Variants in ELMOD3 observed in about 807,000 individuals in gnomAD.
ELMOD3 encodes the protein ELMO domain containing 3.
A neutral mutation model predicts 47.4 loss-of-function variants in ELMOD3; 36 were observed. The ratio of observed to expected loss-of-function variants is 0.76; its 90% confidence interval spans 0.58 to 1.00. ELMOD3 has a LOEUF of 1.00. Ranked by LOEUF, ELMOD3 falls within the 50% of genes least tolerant of loss-of-function variation. ELMOD3 has a pLI of 0.00. For synonymous variants in ELMOD3, 149 were observed against 183.5 expected, an observed-to-expected ratio of 0.81 and a Z score of 1.52; for missense variants, 404 against 463.8, an observed-to-expected ratio of 0.87 and a Z score of 1.18.
At chr2:85,359,522 C>T (rs1224478120) in intron 4 of ELMOD3, among the ~76,000 whole-genome samples, 35 of 151,680 alleles carry the variant, frequency 2.3e-4, no homozygotes, top group Non-Finnish European at 2.9e-5. Context: ...ATTCTCCTGC[C>T]TCAGCCTTTC....
At position 85,361,457 on chromosome 2, in the gene ELMOD3, G is replaced by A. The variant is rs1683949017; in HGVS notation, c.55-729G>A. Among the ~76,000 whole-genome samples, 4 of 152,242 alleles carry A rather than the reference G, an allele frequency of 2.6e-5. No individual in the cohort carries two copies. In the South Asian group the frequency reaches 8.3e-4, roughly 32 times the overall value. ...GAGTTCATCCTTTTTTTGTGGTACT[G>A]GGAAAAGTTGCAACATTTACCTTTG... is the stretch of plus-strand genomic sequence containing the variant. On this transcript the variant is annotated intron_variant, in intron 4 of 13. Transcript: ENST00000409013.
In ELMOD3 at chr2:85,389,744, AT is replaced by A. The variant is rs772887938; in HGVS notation, c.739-5del. The stretch of plus-strand genomic sequence containing the variant: ...GTTGCTGCTGACTGGGTGCCCCTCC[AT>A]TCCAGCAATTCCCTTTCTGTTTGAT... On this transcript the variant is annotated splice_polypyrimidine_tract_variant and splice_region_variant and intron_variant, in intron 11 of 13. Transcript: ENST00000409013. The A allele has an allele frequency of 1.9e-6, 3 of 1,613,896 alleles. No homozygotes were observed. In the South Asian group the frequency reaches 3.3e-5, roughly 18 times the overall value.
chr2:85,387,475 A>T (rs1191475037), intron 11 of ELMOD3, among the ~76,000 whole-genome samples: 3 of 152,068 alleles, frequency 2.0e-5, no homozygotes, highest in Non-Finnish European at 4.4e-5. Context: ...CAGCTTGGCC[A>T]ACATGGTGAA....
chr2:85,357,886 C>A (rs1683673688), intron 4 of ELMOD3, among the ~76,000 whole-genome samples: 1 of 152,152 alleles, frequency 6.6e-6, no homozygotes, highest in Non-Finnish European at 1.5e-5. Flanking sequence ...AGTTGTTCAG[C>A]ACAATGAATC....
Position 85,357,256 on chromosome 2 carries a change from A to C in ELMOD3, c.54+4A>C, listed in dbSNP as rs759029330. 7 of 1,582,134 alleles carry C rather than the reference A, an allele frequency of 4.4e-6. No homozygotes were observed. The highest frequency in any genetic ancestry group is 1.4e-5 in the African/African-American group (1 of 73,988). Reference sequence around the variant, plus strand: ...AGAAGAATTAAGAGATGGACAGGTAAGCATGCACTCTTATTTGGGAAAGGT... The same window carrying C: ...AGAAGAATTAAGAGATGGACAGGTACGCATGCACTCTTATTTGGGAAAGGT... On this transcript the variant is annotated splice_donor_region_variant and intron_variant, in intron 4 of 13. Coordinates refer to ENST00000409013, the MANE Select transcript of ELMOD3 (RefSeq NM_001135022.2).
chr2:85,370,444 C>T (rs1021647907), intron 8 of ELMOD3, among the ~76,000 whole-genome samples: 2 of 151,314 alleles, frequency 1.3e-5, no homozygotes, highest in Non-Finnish European at 2.9e-5. Flanking sequence ...AGCTGGGGAG[C>T]TTTCTGGGCC....
In ELMOD3 at chr2:85,391,386, T is replaced by C; in HGVS notation, c.*424T>C. 5.7e-6 allele frequency: 1 copy of C among 174,078 alleles called. No individual in the cohort carries two copies. 10.8% of individuals were successfully genotyped at this position (174,078 alleles called of 1,614,324 possible). On this transcript the variant is annotated 3_prime_UTR_variant, in exon 14 of 14. Transcript: ENST00000409013. ...GGGCTTTCAGGCACCAGTGTCTGTG[T>C]TGTTAGAACTCAGAGGAAGAGGCAG... is the stretch of plus-strand genomic sequence containing the variant.
intron 8 of ELMOD3, 111 bp downstream of exon 8, chr2:85,369,941 T>C: frequency 7.3e-7 from 1 of 1,361,464 alleles, no homozygotes; most frequent in South Asian, 1.4e-5. Context: ...CCTAAGATCT[T>C]GGTGCCCAGG....
intron 11 of ELMOD3, among the ~76,000 whole-genome samples, chr2:85,380,152 C>T (rs1685444882): frequency 6.6e-6 from 1 of 152,256 alleles, no homozygotes. Context: ...TGTATTTATG[C>T]AAATAACTGT....
At chr2:85,361,119 A>C (rs1248111780) in intron 4 of ELMOD3, among the ~76,000 whole-genome samples, 1 of 152,122 alleles carries the variant, frequency 6.6e-6, no homozygotes, top group East Asian at 1.9e-4. Flanking sequence ...ACACCTGGTG[A>C]TTTTTAGGAT....
chr2:85,390,871 A>G lies in ELMOD3; in HGVS notation c.1055A>G (p.Tyr352Cys). The change falls in exon 14 of 14, where the codon TAT (tyrosine) becomes TGT (cysteine). Residue 352 changes from tyrosine (Y) to cysteine (C), a missense_variant. Physicochemically the swap from Tyr to Cys is radical, Grantham distance 194. Transcript: ENST00000409013. ...TCCTTGTTGGGAGCACAGAAGTGCT[A>G]TGGGCCAGAAGCCCCTCCCTTCAAG... ...QASLLGAQKC[Y>C]GPEAPPFKDL... 5 of 1,551,710 alleles carry G rather than the reference A, an allele frequency of 3.2e-6. No individual in the cohort carries two copies. The highest frequency in any genetic ancestry group is 4.4e-6 in the Non-Finnish European group (5 of 1,146,998).
intron 8 of ELMOD3, 110 bp downstream of exon 8, chr2:85,369,940 T>C (rs2104576778): frequency 7.3e-7 from 1 of 1,363,054 alleles, no homozygotes; most frequent in South Asian, 1.4e-5. Context: ...CCCTAAGATC[T>C]TGGTGCCCAG....
rs767489901 is a variant in ELMOD3 at position 85,357,218 on chromosome 2, C to CTTT, written c.21_23dup (p.Phe8dup). 1.2e-5 allele frequency: 19 copies of CTTT among 1,608,040 alleles called. No individual in the cohort carries two copies. In the South Asian group the frequency reaches 2.1e-4, roughly 18 times the overall value. ...TGAGTCATGAATGAAAAATCTTGCT[C>CTTT]TTTCCATAGTAAAGAAGAATTAAGA... On this transcript the variant is annotated inframe_insertion, in exon 4 of 14. Coordinates refer to ENST00000409013, the MANE Select transcript of ELMOD3 (RefSeq NM_001135022.2).
intron 11 of ELMOD3, among the ~76,000 whole-genome samples, chr2:85,386,770 C>G (rs543162635): frequency 6.6e-6 from 1 of 152,234 alleles, no homozygotes; most frequent in South Asian, 2.1e-4. Flanking sequence ...CCGAGACAAG[C>G]AGATCACCTG....
chr2:85,364,496 A>G (rs1306421885), intron 6 of ELMOD3, among the ~76,000 whole-genome samples: 1 of 151,702 alleles, frequency 6.6e-6, no homozygotes, highest in East Asian at 1.9e-4. Context: ...AGGCAGGTGA[A>G]TCACTTGAAC....
At chr2:85,380,830 T>C (rs1237312960) in intron 11 of ELMOD3, among the ~76,000 whole-genome samples, 2 of 152,126 alleles carry the variant, frequency 1.3e-5, no homozygotes, top group African/African-American at 4.8e-5. Context: ...TGGCCTTTTA[T>C]AGCTGATTAT....
chr2:85,367,966 G>A (rs1684514363), intron 6 of ELMOD3, among the ~76,000 whole-genome samples: 1 of 151,474 alleles, frequency 6.6e-6, no homozygotes, highest in Non-Finnish European at 1.5e-5. Flanking sequence ...AGGCTGGAGT[G>A]CAGTGACATG....
intron 4 of ELMOD3, among the ~76,000 whole-genome samples, chr2:85,361,464 G>T (rs898284420): frequency 6.6e-5 from 10 of 152,206 alleles, no homozygotes; most frequent in African/African-American, 2.2e-4. Flanking sequence ...ACTGGGAAAA[G>T]TTGCAACATT....
intron 3 of ELMOD3, 52 bp from the exon 4 acceptor site, chr2:85,356,915 T>C (rs892147114): frequency 2.2e-4 from 55 of 245,686 alleles, no homozygotes; most frequent in Admixed American, 5.5e-5. Context: ...GAGGCATAAC[T>C]GAATGGTGAA....
Sources: allele counts gnomAD v4.1 joint callset (sites outside exome capture counted in the v4.1 genomes callset), GRCh38; gene constraint gnomAD v4.1.1; transcripts MANE v1.5; gene names NCBI Gene and HGNC (gene_info 2026-07-23, HGNC 2026-07-21).